The following EYA1 variants were observed in gnomAD, a reference collection of about 807,000 sequenced individuals.
The protein encoded by EYA1 is protein phosphatase EYA1.
In EYA1, 16 loss-of-function variants were observed where a neutral mutation model predicts 82.0. The ratio of observed to expected loss-of-function variants is 0.20; its 90% CI spans 0.13 to 0.30. The LOEUF (loss-of-function observed/expected upper bound fraction) is 0.30. Ranked by LOEUF, EYA1 falls within the 10% of genes least tolerant of loss-of-function variation. The probability of loss-of-function intolerance (pLI) is 1.00; values close to 1 mark genes in which losing one functional copy is unlikely to be tolerated. For missense variants in EYA1, 633 were observed against 730.7 expected (o/e 0.87, Z 1.54); for synonymous variants, 261 against 264.4 (o/e 0.99, Z 0.12).
At chr8:71,372,069 T>C (rs1373797758) in intron 2 of EYA1, among the ~76,000 whole-genome samples, 2 of 152,296 alleles carry the variant, frequency 1.3e-5, no homozygotes, top group South Asian at 2.1e-4. Context: ...AGATATTTCC[T>C]AGGGCATGAG....
At chr8:71,459,143 T>C (rs1381222205) in intron 2 of EYA1, among the ~76,000 whole-genome samples, 1 of 152,206 alleles carries the variant, frequency 6.6e-6, no homozygotes, top group Non-Finnish European at 1.5e-5. Flanking sequence ...TGACATAACC[T>C]TGGACTTCTC....
intron 3 of EYA1, among the ~76,000 whole-genome samples, chr8:71,339,084 A>G (rs1009841746): frequency 6.6e-6 from 1 of 152,132 alleles, no homozygotes; most frequent in Non-Finnish European, 1.5e-5. Context: ...CCATGCCTGG[A>G]ATTGCATTAC....
intron 2 of EYA1, among the ~76,000 whole-genome samples, chr8:71,457,654 C>G (rs1386435758): frequency 6.6e-6 from 1 of 152,102 alleles, no homozygotes; most frequent in African/African-American, 2.4e-5. Flanking sequence ...AGCAAACTAT[C>G]ACAAGGACAA....
intron 2 of EYA1, among the ~76,000 whole-genome samples, chr8:71,424,108 A>T (rs760969032): frequency 1.3e-5 from 2 of 152,244 alleles, no homozygotes; most frequent in Non-Finnish European, 2.9e-5. Flanking sequence ...TACCTAAAAA[A>T]TATTCACCGT....
intron 12 of EYA1, among the ~76,000 whole-genome samples, chr8:71,239,653 G>A (rs1319345591): frequency 6.6e-5 from 10 of 152,140 alleles, no homozygotes; most frequent in Non-Finnish European, 4.4e-5. Flanking sequence ...TTATCCATAT[G>A]CTCACACCCT....
intron 2 of EYA1, among the ~76,000 whole-genome samples, chr8:71,408,830 C>T (rs1417564931): frequency 8.2e-6 from 1 of 121,724 alleles, no homozygotes; most frequent in Non-Finnish European, 1.7e-5. Context: ...AGAAAGTCAA[C>T]AAGGATACCC....
chr8:71,354,055 G>A (rs1826588377), intron 3 of EYA1, among the ~76,000 whole-genome samples: 1 of 151,988 alleles, frequency 6.6e-6, no homozygotes, highest in African/African-American at 2.4e-5. Flanking sequence ...ATAACAGGTA[G>A]CAAAAATACA....
At chr8:71,418,924 T>C (rs564519876) in intron 2 of EYA1, among the ~76,000 whole-genome samples, 1 of 152,244 alleles carries the variant, frequency 6.6e-6, no homozygotes, top group African/African-American at 2.4e-5. Flanking sequence ...CAGAGATATC[T>C]GGGGGAGAGC....
chr8:71,212,986 G>A (rs1808709095), intron 16 of EYA1, among the ~76,000 whole-genome samples: 1 of 152,116 alleles, frequency 6.6e-6, no homozygotes, highest in Admixed American at 6.5e-5. Context: ...GCTGAGGCAG[G>A]AGAATCACTT....
intron 2 of EYA1, among the ~76,000 whole-genome samples, chr8:71,466,497 C>T (rs1263311600): frequency 2.6e-5 from 4 of 151,984 alleles, no homozygotes; most frequent in Non-Finnish European, 5.9e-5. Context: ...CATTTAAACC[C>T]AAAGTCTTTA....
intron 10 of EYA1, among the ~76,000 whole-genome samples, chr8:71,270,949 C>G (rs1340078361): frequency 6.6e-6 from 1 of 152,034 alleles, no homozygotes; most frequent in African/African-American, 2.4e-5. Flanking sequence ...GAAATGACGT[C>G]TCTACTAAAA....
At chr8:71,469,884 G>C (rs1809054692) in intron 2 of EYA1, among the ~76,000 whole-genome samples, 1 of 151,940 alleles carries the variant, frequency 6.6e-6, no homozygotes, top group East Asian at 1.9e-4. Flanking sequence ...AGAAATGGGA[G>C]GTCACTAGAT....
chr8:71,299,018 T>G (rs907592698), intron 9 of EYA1, 29 bp downstream of exon 9: 1 of 1,597,596 alleles, frequency 6.3e-7, no homozygotes, highest in Non-Finnish European at 8.6e-7. Context: ...AAATATCACC[T>G]GCAGGACTAA....
At position 71,198,352 on chromosome 8, in the gene EYA1, A is replaced by G. The variant is rs1806502474; in HGVS notation, c.*988T>C. 1 of 152,612 alleles carries G rather than the reference A, an allele frequency of 6.6e-6. No individual in the cohort carries two copies. The highest frequency in any genetic ancestry group is 2.4e-5 in the African/African-American group (1 of 41,446). 9.5% of individuals were successfully genotyped at this position (152,612 alleles called of 1,614,324 possible). Reference sequence around the variant, plus strand: ...GCTGTGTTATTTCATCAAGGCCCTCAGAAGAACTGATGCAGGAAAAAATTT... The same window carrying G: ...GCTGTGTTATTTCATCAAGGCCCTCGGAAGAACTGATGCAGGAAAAAATTT... On this transcript the variant is annotated 3_prime_UTR_variant, in exon 18 of 18. Transcript: ENST00000340726.
chr8:71,527,013 A>T (rs1313090228), intron 2 of EYA1, among the ~76,000 whole-genome samples: 1 of 152,252 alleles, frequency 6.6e-6, no homozygotes, highest in Non-Finnish European at 1.5e-5. Context: ...ATTGTATATG[A>T]TACTATACAT....
intron 2 of EYA1, among the ~76,000 whole-genome samples, chr8:71,443,483 G>T (rs531509506): frequency 3.9e-5 from 6 of 152,310 alleles, no homozygotes; most frequent in African/African-American, 1.4e-4. Context: ...GTTTCGCTAT[G>T]TTGGCCAGGA....
intron 2 of EYA1, among the ~76,000 whole-genome samples, chr8:71,401,523 C>A (rs1272478777): frequency 1.3e-5 from 2 of 152,174 alleles, no homozygotes; most frequent in Non-Finnish European, 2.9e-5. Context: ...AACATATTAG[C>A]ATATGCATAT....
In EYA1 at chr8:71,453,196, G is replaced by A. The variant is rs140387570; in HGVS notation, c.33+82548C>T. 5.1e-4 allele frequency among the ~76,000 whole-genome samples: 77 copies of A among 152,294 alleles called. No homozygotes were observed. The East Asian group carries it at 0.013, about 25-fold the overall frequency. On this transcript the variant is annotated intron_variant, in intron 2 of 18. Coordinates refer to the EYA1 transcript ENST00000643681. ...TGATTGAAGATCAAATGAATGAAAT[G>A]AAGTGAGAAGAGAACTTTAGAGAAA... is the stretch of plus-strand genomic sequence containing the variant.
At chr8:71,321,992 C>T in intron 5 of EYA1, 113 bp from the exon 6 acceptor site, 10 of 1,427,040 alleles carry the variant, frequency 7.0e-6, no homozygotes, top group Middle Eastern at 1.7e-4. Flanking sequence ...TAAAGTAAAA[C>T]TTTCACACAG....
Sources: allele counts gnomAD v4.1 joint callset (sites outside exome capture counted in the v4.1 genomes callset), GRCh38; gene constraint gnomAD v4.1.1; transcripts MANE v1.5; gene names NCBI Gene and HGNC (gene_info 2026-07-23, HGNC 2026-07-21).